ITPR2: variants seen among roughly 807,000 people sequenced by gnomAD.
The protein encoded by ITPR2 is inositol 1,4,5-trisphosphate-gated calcium channel ITPR2.
In ITPR2, 207 loss-of-function variants were observed where a neutral mutation model predicts 317.1. The ratio of observed to expected loss-of-function variants is 0.65; its 90% CI spans 0.58 to 0.73. The LOEUF (loss-of-function observed/expected upper bound fraction) is 0.73. ITPR2 is among the 30% of genes least tolerant of loss of function. The probability of loss-of-function intolerance (pLI) is 0.00; values close to 1 mark genes in which losing one functional copy is unlikely to be tolerated. For missense variants in ITPR2, 2,613 were observed against 3,284.0 expected, an observed-to-expected ratio of 0.80 and a Z score of 4.99; for synonymous variants, 1,156 against 1,149.1, an observed-to-expected ratio of 1.01 and a Z score of -0.12.
chr12:26,529,268 A>G (rs1443493431), intron 37 of ITPR2, among the ~76,000 whole-genome samples: 2 of 152,160 alleles, frequency 1.3e-5, no homozygotes, highest in East Asian at 3.9e-4. Flanking sequence ...CATCTCCTAC[A>G]AAGGGCCTAC....
chr12:26,464,615 C>T (rs1481112180), intron 45 of ITPR2, among the ~76,000 whole-genome samples: 1 of 152,230 alleles, frequency 6.6e-6, no homozygotes, highest in East Asian at 1.9e-4. Context: ...CTTACTCTCT[C>T]ACTCAATGAA....
At chr12:26,721,396 A>G (rs1345976164) in intron 5 of ITPR2, 5 of 532,846 alleles carry the variant, frequency 9.4e-6, no homozygotes, top group Non-Finnish European at 1.4e-5. Context: ...GATTCACGAT[A>G]AAGACATTCC....
In ITPR2 at chr12:26,731,559, G is replaced by A. The variant is rs150690743; in HGVS notation, c.164-5794C>T. On this transcript the variant is annotated intron_variant, in intron 2 of 56. Coordinates refer to ENST00000381340, the MANE Select transcript of ITPR2 (RefSeq NM_002223.4). ...TGCCTATAATCCCAGCACTCTGGGA[G>A]GCTGATAAAGGGGGATTGCTTGAAG... is the stretch of plus-strand genomic sequence containing the variant. Among the ~76,000 whole-genome samples the A allele has an allele frequency of 9.4e-3, 1,424 of 152,274 alleles. 13 individuals carry two copies. Among genetic ancestry groups the A allele is most frequent in the Middle Eastern group, 0.027 (8 of 294 alleles).
rs138910663 is a variant in ITPR2, at chr12:26,685,375, C to A, written c.1148+1106G>T. Among the ~76,000 whole-genome samples the A allele has an allele frequency of 1.1e-3, 161 of 152,208 alleles. 1 individual carries two copies. The highest frequency in any genetic ancestry group is 3.8e-3 in the African/African-American group (158 of 41,522). ...TTTTGAGAAGCTGAGGTGGGTGGAT[C>A]CCTCGAGCCCAGGAGTTCAAGACCA... On this transcript the variant is annotated intron_variant, in intron 11 of 56. Transcript: ENST00000381340.
chr12:26,429,301 G>A (rs1350430970), intron 48 of ITPR2, among the ~76,000 whole-genome samples: 1 of 152,190 alleles, frequency 6.6e-6, no homozygotes, highest in African/African-American at 2.4e-5. Context: ...AGCAAACAAT[G>A]ATGAAAGGAG....
chr12:26,510,307 T>C (rs1943306137), intron 37 of ITPR2, among the ~76,000 whole-genome samples: 1 of 152,164 alleles, frequency 6.6e-6, no homozygotes, highest in South Asian at 2.1e-4. Context: ...TCTCATAAAA[T>C]AAGACTACAC....
chr12:26,756,396 C>T (rs1949520301), intron 2 of ITPR2, among the ~76,000 whole-genome samples: 1 of 152,110 alleles, frequency 6.6e-6, no homozygotes, highest in African/African-American at 2.4e-5. Context: ...GCTAGCAAAC[C>T]CATATCAGCT....
At chr12:26,682,867 T>G (rs1948061654) in intron 11 of ITPR2, among the ~76,000 whole-genome samples, 194 bp from the exon 12 acceptor site, 1 of 152,338 alleles carries the variant, frequency 6.6e-6, no homozygotes, top group East Asian at 1.9e-4. Flanking sequence ...ACCTAGGTAG[T>G]AGTTCTCAAA....
At chr12:26,502,425 C>T (rs1460372978) in intron 37 of ITPR2, among the ~76,000 whole-genome samples, 1 of 152,186 alleles carries the variant, frequency 6.6e-6, no homozygotes, top group African/African-American at 2.4e-5. Context: ...ACTGTATTCA[C>T]ATAACATAAA....
rs1938024646 is a variant in ITPR2, at chr12:26,339,323, C to T, written c.*74G>A. On this transcript the variant is annotated 3_prime_UTR_variant, in exon 57 of 57. Transcript: ENST00000381340. The stretch of plus-strand genomic sequence containing the variant: ...TCAACAATAGGCACTGTTCACTCCC[C>T]TCCATCTCAGTTCTTTATTCAGTGA... 1 of 1,305,556 alleles carries T rather than the reference C, an allele frequency of 7.7e-7. No homozygotes were observed. Among genetic ancestry groups the T allele is most frequent in the South Asian group, 1.2e-5 (1 of 82,308 alleles). The allele number at this position is 1,305,556 out of a possible 1,614,324, so 80.9% of individuals were successfully genotyped here. A position where few individuals can be genotyped will look rare whatever the true frequency, so the allele number is the denominator to read the frequency against.
intron 2 of ITPR2, among the ~76,000 whole-genome samples, chr12:26,748,081 T>G (rs1204076089): frequency 2.0e-5 from 3 of 152,150 alleles, no homozygotes; most frequent in African/African-American, 7.2e-5. Context: ...TTTTTTGAGA[T>G]GGAGTCTCAC....
intron 2 of ITPR2, among the ~76,000 whole-genome samples, chr12:26,786,472 G>T (rs1195175393): frequency 7.7e-6 from 1 of 130,408 alleles, no homozygotes; most frequent in East Asian, 2.4e-4. Flanking sequence ...AAAAAAAAAT[G>T]GAGAATATTT....
At chr12:26,551,174 A>G (rs936667877) in intron 36 of ITPR2, among the ~76,000 whole-genome samples, 2 of 152,186 alleles carry the variant, frequency 1.3e-5, no homozygotes, top group African/African-American at 4.8e-5. Context: ...AAATGATCCA[A>G]TTTCAGTGAC....
intron 34 of ITPR2, among the ~76,000 whole-genome samples, chr12:26,567,987 T>C (rs1945037734): frequency 5.7e-5 from 1 of 17,598 alleles, no homozygotes; most frequent in Non-Finnish European, 2.2e-4. Context: ...ATTATATATA[T>C]ATATATATAT....
At position 26,516,300 on chromosome 12, in the gene ITPR2, A is replaced by AAG. The variant is rs1943508162; in HGVS notation, c.5074-21041_5074-21040insCT. Among the ~76,000 whole-genome samples the AAG allele has an allele frequency of 1.2e-3, 81 of 67,388 alleles. 3 individuals carry two copies. Among genetic ancestry groups the AAG allele is most frequent in the African/African-American group, 3.8e-3 (79 of 20,864 alleles). The allele number at this position is 67,388 out of a possible 152,430, so 44.2% of individuals were successfully genotyped here. A position where few individuals can be genotyped will look rare whatever the true frequency, so the allele number is the denominator to read the frequency against. ...GGGAAGGGAAGGGAAAGGAAAGGAA[A>AAG]GGAAAGGAAAGGAAAGGAAAGGAAA... On this transcript the variant is annotated intron_variant, in intron 37 of 56. Transcript: ENST00000381340.
rs79796097 is a variant in ITPR2 at position 26,811,036 on chromosome 12, CAAAAAA to C, written c.93-20815_93-20810del. On this transcript the variant is annotated intron_variant, in intron 1 of 56. Transcript: ENST00000381340. ...ATCTCCTCTCTTGTGTTTTAAGTTA[CAAAAAA>C]AAAAAAAAAAAAAAAAAACAGAAAG... 4.7e-3 allele frequency among the ~76,000 whole-genome samples: 505 copies of C among 108,288 alleles called. 3 individuals carry two copies. The highest frequency in any genetic ancestry group is 0.018 in the African/African-American group (465 of 25,986). The allele number at this position is 108,288 out of a possible 152,430, so 71.0% of individuals were successfully genotyped here.
chr12:26,816,928 A>G (rs1452623388), intron 1 of ITPR2, among the ~76,000 whole-genome samples: 1 of 152,034 alleles, frequency 6.6e-6, no homozygotes, highest in African/African-American at 2.4e-5. Flanking sequence ...AAGGTGAAAA[A>G]GGTCACTTTG....
At chr12:26,411,434 T>G (rs766917808) in intron 51 of ITPR2, 22 bp from the exon 52 acceptor site, 1 of 1,513,846 alleles carries the variant, frequency 6.6e-7, no homozygotes, top group Admixed American at 1.7e-5. Flanking sequence ...CAAAGTAGTA[T>G]ATAATATAGA....
At chr12:26,594,493 A>T (rs1945791219) in intron 32 of ITPR2, among the ~76,000 whole-genome samples, 1 of 152,026 alleles carries the variant, frequency 6.6e-6, no homozygotes, top group Non-Finnish European at 1.5e-5. Flanking sequence ...GAGATAATGA[A>T]AATATGGACT....
Sources: gnomAD v4.1 joint callset for allele counts (sites outside exome capture counted in the v4.1 genomes callset) on GRCh38, gnomAD v4.1.1 for gene constraint, MANE v1.5 for transcripts, NCBI Gene and HGNC (gene_info 2026-07-23, HGNC 2026-07-21) for gene names.